Variants in CYP2C19 observed in about 807,000 individuals in gnomAD.
CYP2C19 encodes cytochrome P450 2C19.
In CYP2C19, 59 loss-of-function variants were observed where a neutral mutation model predicts 40.9. That is an observed-to-expected ratio of 1.44 (90% CI 1.17 to 1.79). The LOEUF (loss-of-function observed/expected upper bound fraction) is 1.79, where lower values mean the gene tolerates loss of function less well. Among genes scored for constraint, CYP2C19 ranks in the 40% most tolerant of loss-of-function variants. The pLI is 0.00. For missense variants in CYP2C19, 754 were observed against 596.9 expected, an observed-to-expected ratio of 1.26 and a Z score of -2.74; for synonymous variants, 253 against 208.7, an observed-to-expected ratio of 1.21 and a Z score of -1.83.
At chr10:94,802,871 G>A (rs1040858843) in intron 5 of CYP2C19, among the ~76,000 whole-genome samples, 13 of 152,048 alleles carry the variant, frequency 8.5e-5, no homozygotes, top group Admixed American at 6.6e-5. Context: ...ATGAAATTCT[G>A]GGTTGAAAAT....
rs1849700095 is a variant in CYP2C19 at position 94,854,254 on chromosome 10, A to G, written c.*1340A>G. ...GGCTAGTCTTGAACTCCTGACCTCA[A>G]GTGATCCACCCACCTCAGCCTCCCA... On this transcript the variant is annotated 3_prime_UTR_variant, in exon 9 of 9. Transcript: ENST00000371321. Among the ~76,000 whole-genome samples, 1 of 151,720 alleles carries G rather than the reference A, an allele frequency of 6.6e-6. No individual in the cohort carries two copies. Among genetic ancestry groups the G allele is most frequent in the Admixed American group, 6.6e-5 (1 of 15,236 alleles).
intron 6 of CYP2C19, among the ~76,000 whole-genome samples, chr10:94,836,718 G>A (rs753029852): frequency 7.9e-5 from 12 of 152,184 alleles, no homozygotes; most frequent in Non-Finnish European, 1.6e-4. Flanking sequence ...GATAATTTTA[G>A]CCCTAAGCAT....
rs553023510 is a variant in CYP2C19 at position 94,830,370 on chromosome 10, T to A, written c.961+9733T>A. On this transcript the variant is annotated intron_variant, in intron 6 of 8. Transcript: ENST00000371321. Reference sequence around the variant, plus strand: ...TATAATCTCGTGGTGCACCGTTTTTTAAGCCCATCGGAAAAGCGCAGTATT... The same window carrying A: ...TATAATCTCGTGGTGCACCGTTTTTAAAGCCCATCGGAAAAGCGCAGTATT... Among the ~76,000 whole-genome samples, 5 of 152,362 alleles carry A rather than the reference T, an allele frequency of 3.3e-5. No individual in the cohort carries two copies. The South Asian group carries it at 8.3e-4, about 25-fold the overall frequency.
At chr10:94,848,923 A>G in intron 7 of CYP2C19, among the ~76,000 whole-genome samples, 2 of 152,264 alleles carry the variant, frequency 1.3e-5, no homozygotes, top group Middle Eastern at 6.8e-3. Context: ...TTGTCCATTG[A>G]TTTTGTATCC....
chr10:94,837,806 C>A (rs191500018), intron 6 of CYP2C19, among the ~76,000 whole-genome samples: 1 of 152,146 alleles, frequency 6.6e-6, no homozygotes, highest in African/African-American at 2.4e-5. Flanking sequence ...CACCCTCAGT[C>A]CTGCTGCTGG....
At chr10:94,783,952 C>T (rs940733720) in intron 5 of CYP2C19, among the ~76,000 whole-genome samples, 1 of 152,098 alleles carries the variant, frequency 6.6e-6, no homozygotes, top group African/African-American at 2.4e-5. Context: ...AAAGCATACA[C>T]CTAAGTGGTA....
chr10:94,767,577 C>G (rs11596777), intron 1 of CYP2C19, among the ~76,000 whole-genome samples: 1 of 152,046 alleles, frequency 6.6e-6, no homozygotes, highest in Admixed American at 6.5e-5. Flanking sequence ...TTTGTTCCCC[C>G]CAAAGGGGCC....
At chr10:94,787,707 G>A (rs775657535) in intron 5 of CYP2C19, among the ~76,000 whole-genome samples, 18 of 151,948 alleles carry the variant, frequency 1.2e-4, no homozygotes, top group African/African-American at 1.9e-4. Flanking sequence ...TTTATTCTGC[G>A]TATGGCTAGC....
At chr10:94,764,413 A>T (rs998411521) in intron 1 of CYP2C19, among the ~76,000 whole-genome samples, 2 of 152,144 alleles carry the variant, frequency 1.3e-5, no homozygotes, top group Non-Finnish European at 2.9e-5. Flanking sequence ...TGCATCTGCA[A>T]ACCTTTAGCT....
intron 5 of CYP2C19, among the ~76,000 whole-genome samples, chr10:94,802,849 G>C (rs1466842896): frequency 6.6e-6 from 1 of 152,034 alleles, no homozygotes; most frequent in Non-Finnish European, 1.5e-5. Flanking sequence ...ATGAAACTTA[G>C]TTTGTCTGGG....
chr10:94,808,979 C>T (rs1848874756), intron 5 of CYP2C19, among the ~76,000 whole-genome samples: 1 of 152,004 alleles, frequency 6.6e-6, no homozygotes, highest in South Asian at 2.1e-4. Context: ...CATTTGGTAA[C>T]TTTATTTTTA....
At chr10:94,829,728 G>C (rs372116953) in intron 6 of CYP2C19, among the ~76,000 whole-genome samples, 1 of 151,452 alleles carries the variant, frequency 6.6e-6, no homozygotes, top group South Asian at 2.1e-4. Context: ...GAGGAGAGGC[G>C]CTCTGCTTTT....
rs563863277 is a variant in CYP2C19 at position 94,852,051 on chromosome 10, A to G, written c.1292-682A>G. ...TCTTGTTCAAAAGGAGAAGCATGAT[A>G]TAAAACTTGAAACCTAGTGTGTTGG... On this transcript the variant is annotated intron_variant, in intron 8 of 8. Coordinates refer to ENST00000371321, the MANE Select transcript of CYP2C19 (RefSeq NM_000769.4). Among the ~76,000 whole-genome samples the G allele has an allele frequency of 1.1e-4, 16 of 152,318 alleles. 1 individual carries two copies. In the South Asian group the frequency reaches 3.3e-3, roughly 32 times the overall value.
At chr10:94,763,350 G>T (rs1175382825) in intron 1 of CYP2C19, among the ~76,000 whole-genome samples, 1 of 152,056 alleles carries the variant, frequency 6.6e-6, no homozygotes, top group East Asian at 1.9e-4. Flanking sequence ...GCAGATAAGC[G>T]GTAGATAAGA....
chr10:94,849,410 G>A (rs888094125), intron 7 of CYP2C19, among the ~76,000 whole-genome samples: 2 of 149,422 alleles, frequency 1.3e-5, no homozygotes, highest in East Asian at 4.0e-4. Context: ...TAAATTAGCT[G>A]GTCAGAAGAG....
intron 6 of CYP2C19, among the ~76,000 whole-genome samples, chr10:94,840,795 C>T (rs147055346): frequency 6.6e-6 from 1 of 152,312 alleles, no homozygotes; most frequent in East Asian, 1.9e-4. Context: ...TCCAGGCAGA[C>T]CAACATTCCC....
At chr10:94,762,930 A>G (rs1222842156) in intron 1 of CYP2C19, 57 bp downstream of exon 1, 5 of 1,505,012 alleles carry the variant, frequency 3.3e-6, no homozygotes, top group Non-Finnish European at 4.6e-6. Context: ...TGTATTTTTT[A>G]AATAAAGTAT....
At chr10:94,842,222 C>G (rs961633043) in intron 6 of CYP2C19, among the ~76,000 whole-genome samples, 1 of 152,004 alleles carries the variant, frequency 6.6e-6, no homozygotes, top group Admixed American at 6.5e-5. Flanking sequence ...GCCAAGCTGA[C>G]TGCTTTATCA....
At chr10:94,765,372 G>A (rs1400100802) in intron 1 of CYP2C19, among the ~76,000 whole-genome samples, 1 of 152,030 alleles carries the variant, frequency 6.6e-6, no homozygotes, top group Non-Finnish European at 1.5e-5. Flanking sequence ...GCAGATATAG[G>A]TCGACATTCC....
Sources: gnomAD v4.1 joint callset for allele counts (sites outside exome capture counted in the v4.1 genomes callset) on GRCh38, gnomAD v4.1.1 for gene constraint, MANE v1.5 for transcripts, NCBI Gene and HGNC (gene_info 2026-07-23, HGNC 2026-07-21) for gene names.